RNF182: variants seen among roughly 807,000 people sequenced by gnomAD.
RNF182 encodes ring finger protein 182.
Under a neutral mutation model 14.4 loss-of-function variants are expected in RNF182, and 15 were observed. The observed-to-expected ratio is 1.04, with a 90% CI of 0.70 to 1.60. The LOEUF (loss-of-function observed/expected upper bound fraction) is 1.60, where lower values mean the gene tolerates loss of function less well. Among genes scored for constraint, RNF182 ranks in the 40% most tolerant of loss-of-function variants. RNF182 has a pLI of 0.00. For missense variants in RNF182, 268 were observed against 294.8 expected, an observed-to-expected ratio of 0.91 and a Z score of 0.67; for synonymous variants, 128 against 122.9, an observed-to-expected ratio of 1.04 and a Z score of -0.27.
chr6:13,967,053 G>A (rs925859716), intron 1 of RNF182, among the ~76,000 whole-genome samples: 1 of 152,110 alleles, frequency 6.6e-6, no homozygotes, highest in Non-Finnish European at 1.5e-5. Context: ...TCCTAGGCTG[G>A]TCTCCAACTC....
At position 13,977,425 on chromosome 6, in the gene RNF182, A is replaced by C; in HGVS notation, c.306A>C (p.Pro102=). ...TCGGKGKKCL[P]ENPTELLLTP... ...GAGGCAAAGGGAAGAAGTGCCTGCC[A>C]GAGAACCCTACTGAGCTGCTGCTCA... is the stretch of plus-strand genomic sequence containing the variant. Residue 102 remains proline (P), a synonymous_variant, in exon 3 of 3, where the codon CCA becomes CCC. Transcript: ENST00000488300. The C allele has an allele frequency of 6.2e-7, 1 of 1,614,184 alleles. No homozygotes were observed. The highest frequency in any genetic ancestry group is 8.5e-7 in the Non-Finnish European group (1 of 1,180,022).
intron 1 of RNF182, among the ~76,000 whole-genome samples, chr6:13,957,002 A>C (rs575105512): frequency 2.1e-4 from 32 of 152,132 alleles, no homozygotes; most frequent in Non-Finnish European, 2.9e-4. Flanking sequence ...TGTGTGACCG[A>C]ATGGAATGAA....
At chr6:13,966,100 A>G (rs531348280) in intron 1 of RNF182, among the ~76,000 whole-genome samples, 3 of 152,376 alleles carry the variant, frequency 2.0e-5, no homozygotes, top group South Asian at 4.1e-4. Context: ...AGAATAGTCT[A>G]TAGGACTACT....
At chr6:13,934,400 C>T (rs146967393) in intron 1 of RNF182, among the ~76,000 whole-genome samples, 39 of 152,324 alleles carry the variant, frequency 2.6e-4, no homozygotes, top group African/African-American at 7.7e-4. Flanking sequence ...TCATTTCCGT[C>T]GCTCACAGTT....
chr6:13,933,619 AATT>A (rs1463191033), intron 1 of RNF182, among the ~76,000 whole-genome samples: 2 of 152,330 alleles, frequency 1.3e-5, no homozygotes, highest in East Asian at 1.9e-4. Flanking sequence ...TCAATATAAA[AATT>A]ATTAATGAGA....
chr6:13,972,031 T>C (rs1045002053), intron 1 of RNF182, among the ~76,000 whole-genome samples: 18 of 152,080 alleles, frequency 1.2e-4, no homozygotes, highest in African/African-American at 4.3e-4. Context: ...CTGGGTGCAG[T>C]GGCTCATGCC....
chr6:13,978,291 CT>C lies in RNF182; in HGVS notation c.*429del, dbSNP rs1316056059. The C allele has an allele frequency of 5.7e-6, 1 of 173,992 alleles. No homozygotes were observed. Among genetic ancestry groups the C allele is most frequent in the Non-Finnish European group, 1.4e-5 (1 of 72,108 alleles). The allele number at this position is 173,992 out of a possible 1,614,324, so 10.8% of individuals were successfully genotyped here. On this transcript the variant is annotated 3_prime_UTR_variant, in exon 3 of 3. Transcript: ENST00000488300. ...TGTACTCCTTTCCCACCCCATACCC[CT>C]GGTATTGGAACACCCTAGAATTGTC...
intron 1 of RNF182, among the ~76,000 whole-genome samples, chr6:13,971,727 A>G (rs1307790581): frequency 2.0e-5 from 3 of 152,214 alleles, no homozygotes; most frequent in Admixed American, 2.0e-4. Context: ...TGATATGGAC[A>G]ATAAGGTCCA....
intron 1 of RNF182, among the ~76,000 whole-genome samples, chr6:13,932,714 A>G (rs1759004101): frequency 6.6e-6 from 1 of 152,230 alleles, no homozygotes; most frequent in African/African-American, 2.4e-5. Flanking sequence ...TTGAACTAGA[A>G]TCACAAAGCT....
At chr6:13,942,666 A>G (rs931481191) in intron 1 of RNF182, among the ~76,000 whole-genome samples, 8 of 152,132 alleles carry the variant, frequency 5.3e-5, no homozygotes, top group Non-Finnish European at 1.2e-4. Flanking sequence ...CTCAGCAGCT[A>G]TCTCATCAAA....
intron 1 of RNF182, among the ~76,000 whole-genome samples, chr6:13,970,621 G>C (rs560479299): frequency 5.9e-5 from 9 of 152,156 alleles, no homozygotes; most frequent in African/African-American, 2.2e-4. Flanking sequence ...GAATTGCTGG[G>C]TTGTAAGGTA....
At chr6:13,962,513 AAG>A (rs1759908392) in intron 1 of RNF182, among the ~76,000 whole-genome samples, 2 of 152,356 alleles carry the variant, frequency 1.3e-5, no homozygotes, top group Admixed American at 1.3e-4. Context: ...AAAGTGTTTG[AAG>A]AGTGATTCTC....
chr6:13,943,813 A>G (rs1759362607), intron 1 of RNF182, among the ~76,000 whole-genome samples: 2 of 152,322 alleles, frequency 1.3e-5, no homozygotes, highest in Admixed American at 1.3e-4. Flanking sequence ...TGAACTGAAC[A>G]AAAGACAGGA....
At chr6:13,944,065 A>C (rs1759373680) in intron 1 of RNF182, among the ~76,000 whole-genome samples, 1 of 152,170 alleles carries the variant, frequency 6.6e-6, no homozygotes, top group African/African-American at 2.4e-5. Flanking sequence ...ACCCTCCTAC[A>C]AGAAGAACTG....
intron 1 of RNF182, among the ~76,000 whole-genome samples, chr6:13,943,177 A>G (rs181764243): frequency 7.9e-5 from 12 of 152,332 alleles, no homozygotes; most frequent in Admixed American, 6.5e-4. Context: ...ACTTTTACTC[A>G]TCCAAATAAA....
intron 1 of RNF182, among the ~76,000 whole-genome samples, chr6:13,945,385 C>T (rs1759412722): frequency 1.3e-5 from 2 of 152,144 alleles, no homozygotes; most frequent in South Asian, 4.1e-4. Context: ...TAGCAAATAA[C>T]CTTAAACGTT....
intron 1 of RNF182, among the ~76,000 whole-genome samples, chr6:13,961,779 G>A (rs1452194458): frequency 1.3e-5 from 2 of 152,132 alleles, no homozygotes; most frequent in African/African-American, 4.8e-5. Context: ...TTGGAGGAGG[G>A]GGGAGGTAAG....
intron 1 of RNF182, chr6:13,949,250 C>G (rs566153965): frequency 2.5e-6 from 2 of 784,682 alleles, no homozygotes; most frequent in African/African-American, 1.7e-5. Flanking sequence ...TATTCAGACA[C>G]CAGTTGTTTC....
rs533300320 is a variant in RNF182, at chr6:13,965,223, A to G, written c.-366-8987A>G. Among the ~76,000 whole-genome samples the G allele has an allele frequency of 2.0e-5, 3 of 152,342 alleles. No homozygotes were observed. The East Asian group carries it at 5.8e-4, about 29-fold the overall frequency. The stretch of plus-strand genomic sequence containing the variant: ...CATTTTAGTAAATGAACTGAAGGTG[A>G]TAATGATCATTCTTGGGGCTTGATT... On this transcript the variant is annotated intron_variant, in intron 1 of 2. Coordinates refer to ENST00000488300, the MANE Select transcript of RNF182 (RefSeq NM_152737.4).
Sources: gnomAD v4.1 joint callset for allele counts (sites outside exome capture counted in the v4.1 genomes callset) on GRCh38, gnomAD v4.1.1 for gene constraint, MANE v1.5 for transcripts, NCBI Gene and HGNC (gene_info 2026-07-23, HGNC 2026-07-21) for gene names.